Variants in DNAJA3 observed in about 807,000 individuals in gnomAD.
The protein encoded by DNAJA3 is DnaJ heat shock protein family (Hsp40) member A3.
In DNAJA3, 29 loss-of-function variants were observed where a neutral mutation model predicts 54.9. The observed-to-expected ratio is 0.53, with a 90% confidence interval of 0.39 to 0.72. DNAJA3 has a LOEUF of 0.72. Among genes scored for constraint, DNAJA3 ranks in the 30% least tolerant of loss-of-function variants. The pLI, the probability that DNAJA3 is intolerant of heterozygous loss-of-function variation, is 0.00. For synonymous variants in DNAJA3, 302 were observed against 251.4 expected (o/e 1.20, Z -1.90); for missense variants, 708 against 639.4 (o/e 1.11, Z -1.16).
intron 4 of DNAJA3, 100 bp downstream of exon 4, chr16:4,441,675 T>C: frequency 8.1e-7 from 1 of 1,231,552 alleles, no homozygotes; most frequent in Non-Finnish European, 1.1e-6. Flanking sequence ...CAAGGCAGCT[T>C]AAATGGAGTG....
At chr16:4,436,050 G>A (rs891436503) in intron 2 of DNAJA3, among the ~76,000 whole-genome samples, 14 of 152,152 alleles carry the variant, frequency 9.2e-5, no homozygotes, top group Admixed American at 7.9e-4. Flanking sequence ...TTAGAGTTTC[G>A]ATTTGCTTTT....
intron 10 of DNAJA3, among the ~76,000 whole-genome samples, chr16:4,453,104 G>C (rs879600554): frequency 2.6e-5 from 4 of 152,194 alleles, no homozygotes; most frequent in Non-Finnish European, 5.9e-5. Flanking sequence ...GCCCAGCCTG[G>C]AGTGCAGTGG....
Position 4,455,537 on chromosome 16 carries a change from TTG to T in DNAJA3, c.*14-8_*14-7del, listed in dbSNP as rs2057026212. ...GAGTATAAGGTAACAGCCTATCTCTTTGGCTCAGGAAAAAGATCCACTGGAAA... is the reference window on the plus strand; with the variant it reads ...GAGTATAAGGTAACAGCCTATCTCTTGCTCAGGAAAAAGATCCACTGGAAA... On this transcript the variant is annotated splice_region_variant and splice_polypyrimidine_tract_variant and intron_variant, in intron 11 of 11. Coordinates refer to ENST00000262375, the MANE Select transcript of DNAJA3 (RefSeq NM_005147.6). 1 of 1,551,784 alleles carries T rather than the reference TTG, an allele frequency of 6.4e-7. No homozygotes were observed. Among genetic ancestry groups the T allele is most frequent in the Non-Finnish European group, 8.7e-7 (1 of 1,146,994 alleles).
Position 4,438,124 on chromosome 16 carries a change from G to A in DNAJA3, c.429+639G>A, listed in dbSNP as rs563124297. ...CAGGTCAGGAGATCGAGACCATCCC[G>A]GCTAACACGGTGAAACCCCGTCTCT... is the stretch of plus-strand genomic sequence containing the variant. On this transcript the variant is annotated intron_variant, in intron 3 of 11. Transcript: ENST00000262375. Among the ~76,000 whole-genome samples the A allele has an allele frequency of 1.1e-4, 17 of 152,118 alleles. No homozygotes were observed. In the South Asian group the frequency reaches 2.3e-3, roughly 20 times the overall value.
At chr16:4,438,252 G>C (rs1161893639) in intron 3 of DNAJA3, among the ~76,000 whole-genome samples, 1 of 151,890 alleles carries the variant, frequency 6.6e-6, no homozygotes, top group Non-Finnish European at 1.5e-5. Flanking sequence ...GGGAGGCGGA[G>C]CTTGCAGTGA....
At chr16:4,442,180 G>A in intron 4 of DNAJA3, 88 bp from the exon 5 acceptor site, 1 of 1,382,228 alleles carries the variant, frequency 7.2e-7, no homozygotes, top group Non-Finnish European at 9.8e-7. Flanking sequence ...TGAAAATGTG[G>A]GCCAGTACCC....
At chr16:4,450,176 C>CTATGGCTATGCTATAGTTTAATG in intron 9 of DNAJA3, 1 of 481,404 alleles carries the variant, frequency 2.1e-6, no homozygotes, top group Non-Finnish European at 3.7e-6. Flanking sequence ...GCCACAGTGA[C>CTATGGCTATGCTATAGTTTAATG]ACTTGTTTAA....
Position 4,425,938 on chromosome 16 carries a change from G to A in DNAJA3, c.57G>A (p.Leu19=), listed in dbSNP as rs2056615163. The change falls in exon 1 of 12, where the codon CTG becomes CTA. Residue 19 remains leucine, a synonymous_variant. Transcript: ENST00000262375. ...WLLVVVGTPR[L]PAISGRGARP... ...TGGTGGTTGTGGGGACCCCGCGGCT[G>A]CCGGCTATATCGGGTAGAGGGGCCC... The A allele has an allele frequency of 6.4e-6, 10 of 1,558,804 alleles. No homozygotes were observed. The highest frequency in any genetic ancestry group is 7.8e-6 in the Non-Finnish European group (9 of 1,153,644).
chr16:4,430,851 C>T (rs78401764), intron 1 of DNAJA3: 6,062 of 152,130 alleles, frequency 0.04, 175 homozygotes, highest in Admixed American at 0.1. Context: ...CGAGACCAGC[C>T]TGGCCAACAT....
At chr16:4,426,684 A>G (rs1029943766) in intron 1 of DNAJA3, among the ~76,000 whole-genome samples, 2 of 152,208 alleles carry the variant, frequency 1.3e-5, no homozygotes, top group African/African-American at 4.8e-5. Flanking sequence ...GGTGATTGTA[A>G]TAATAACACA....
intron 7 of DNAJA3, among the ~76,000 whole-genome samples, chr16:4,446,305 G>T (rs1263665701): frequency 1.4e-5 from 2 of 146,996 alleles, no homozygotes; most frequent in African/African-American, 2.5e-5. Flanking sequence ...GTGCAGTGGT[G>T]TGATCTCTGT....
At chr16:4,454,760 C>T (rs2141399990) in intron 10 of DNAJA3, 51 bp from the exon 11 acceptor site, 1 of 1,423,414 alleles carries the variant, frequency 7.0e-7, no homozygotes, top group Non-Finnish European at 9.9e-7. Context: ...TGGGATGTGA[C>T]TGTGGAAGTG....
intron 7 of DNAJA3, among the ~76,000 whole-genome samples, chr16:4,445,151 A>C (rs2056888275): frequency 6.6e-6 from 1 of 152,184 alleles, no homozygotes; most frequent in Non-Finnish European, 1.5e-5. Flanking sequence ...CCTGAGAAAA[A>C]CCCACACAAG....
intron 8 of DNAJA3, among the ~76,000 whole-genome samples, chr16:4,448,443 A>C (rs2056932752): frequency 6.6e-6 from 1 of 151,922 alleles, no homozygotes; most frequent in Admixed American, 6.6e-5. Flanking sequence ...TCCCGGGTTC[A>C]AGCAATTCTC....
intron 11 of DNAJA3, 42 bp from the exon 12 acceptor site, chr16:4,455,504 G>A (rs2057025597): frequency 6.4e-7 from 1 of 1,550,780 alleles, no homozygotes; most frequent in Non-Finnish European, 8.7e-7. Context: ...GTGTTCCCTT[G>A]AAATGTTGAG....
intron 3 of DNAJA3, among the ~76,000 whole-genome samples, chr16:4,438,505 C>T (rs191552776): frequency 9.9e-5 from 15 of 152,164 alleles, no homozygotes; most frequent in Admixed American, 9.2e-4. Context: ...AAAGTAGAAG[C>T]CCATTATTGT....
At chr16:4,443,739 C>T (rs944267098) in intron 6 of DNAJA3, among the ~76,000 whole-genome samples, 3 of 151,670 alleles carry the variant, frequency 2.0e-5, no homozygotes, top group Admixed American at 6.6e-5. Flanking sequence ...CAGGCTGGAG[C>T]GCAGTGGCCC....
intron 10 of DNAJA3, among the ~76,000 whole-genome samples, chr16:4,451,925 C>T (rs977340577): frequency 4.0e-5 from 6 of 149,802 alleles, no homozygotes; most frequent in Middle Eastern, 3.5e-3. Context: ...CAAAAACTAG[C>T]GGGGCATGGT....
chr16:4,441,981 T>A (rs898980208), intron 4 of DNAJA3, among the ~76,000 whole-genome samples: 3 of 152,220 alleles, frequency 2.0e-5, no homozygotes, highest in African/African-American at 4.8e-5. Context: ...TTGTGGATCA[T>A]TCAGGCTGTT....
Sources: allele counts gnomAD v4.1 joint callset (sites outside exome capture counted in the v4.1 genomes callset), GRCh38; gene constraint gnomAD v4.1.1; transcripts MANE v1.5; gene names NCBI Gene and HGNC (gene_info 2026-07-23, HGNC 2026-07-21).